CTIF: variants seen among roughly 807,000 people sequenced by gnomAD.
CTIF encodes cap binding complex dependent translation initiation factor.
Under a neutral mutation model 66.0 loss-of-function variants are expected in CTIF, and 21 were observed. The ratio of observed to expected loss-of-function variants is 0.32; its 90% CI spans 0.23 to 0.46. CTIF has a LOEUF of 0.46. Ranked by LOEUF, CTIF falls within the 20% of genes least tolerant of loss-of-function variation. The pLI, the probability that CTIF is intolerant of heterozygous loss-of-function variation, is 1.00. For missense variants in CTIF, 739 were observed against 812.7 expected (o/e 0.91, Z 1.10); for synonymous variants, 345 against 326.4 (o/e 1.06, Z -0.62).
At chr18:48,733,551 T>C (rs954784357) in intron 7 of CTIF, among the ~76,000 whole-genome samples, 3 of 152,156 alleles carry the variant, frequency 2.0e-5, no homozygotes, top group Admixed American at 1.3e-4. Context: ...GGGAAACAGA[T>C]TGTCGGGCAA....
intron 9 of CTIF, among the ~76,000 whole-genome samples, chr18:48,767,984 AC>A (rs1245389380): frequency 6.6e-6 from 1 of 152,104 alleles, no homozygotes; most frequent in African/African-American, 2.4e-5. Flanking sequence ...GATGTATCTT[AC>A]CCATACCTCA....
At chr18:48,843,493 C>G (rs111634980) in intron 10 of CTIF, among the ~76,000 whole-genome samples, 4 of 152,050 alleles carry the variant, frequency 2.6e-5, no homozygotes, top group African/African-American at 9.7e-5. Flanking sequence ...GGTAGCCTCT[C>G]GAGCCCTCCT....
intron 1 of CTIF, among the ~76,000 whole-genome samples, chr18:48,618,086 A>G (rs985838871): frequency 8.5e-5 from 13 of 152,188 alleles, no homozygotes; most frequent in African/African-American, 2.9e-4. Flanking sequence ...GGGAGAGTCA[A>G]CATTCATGCT....
At chr18:48,736,945 G>A (rs12604748) in intron 7 of CTIF, among the ~76,000 whole-genome samples, 38,755 of 151,936 alleles carry the variant, frequency 0.26, 5,697 homozygotes, top group East Asian at 0.62. Context: ...CCCTAGAACT[G>A]CATCTGCTCA....
rs931799866 is a variant in CTIF at position 48,861,302 on chromosome 18, C to G, written c.*1743C>G. ...AGTTTACCTGAAACAGGTCAGTGGT[C>G]TCTCCCAAGAAGCGCACGCCACCTC... On this transcript the variant is annotated 3_prime_UTR_variant, in exon 12 of 12. Coordinates refer to ENST00000256413, the MANE Select transcript of CTIF (RefSeq NM_014772.3). 6.6e-6 allele frequency: 1 copy of G among 152,368 alleles called. No individual in the cohort carries two copies. The highest frequency in any genetic ancestry group is 1.5e-5 in the Non-Finnish European group (1 of 68,158). The allele number at this position is 152,368 out of a possible 1,614,324, so 9.4% of individuals were successfully genotyped here. A position where few individuals can be genotyped will look rare whatever the true frequency, so the allele number is the denominator to read the frequency against.
At position 48,859,415 on chromosome 18, in the gene CTIF, G is replaced by A. The variant is rs1303244549; in HGVS notation, c.1653G>A (p.Arg551=). ...TGACAGAGCTCCTGGCCAGCGCACG[G>A]GACAAGATGCTGTGCCCCTCGGAGT... ...EMMTELLASA[R]DKMLCPSESM... The change falls in exon 12 of 12, where the codon CGG becomes CGA. Residue 551 remains arginine (R), a synonymous_variant. Transcript: ENST00000256413. 3.7e-6 allele frequency: 6 copies of A among 1,614,018 alleles called. No homozygotes were observed. Among genetic ancestry groups the A allele is most frequent in the East Asian group, 2.2e-5 (1 of 44,886 alleles).
Position 48,764,394 on chromosome 18 carries a change from C to T in CTIF, c.1371+2705C>T, listed in dbSNP as rs140214534. Among the ~76,000 whole-genome samples, 7 of 152,270 alleles carry T rather than the reference C, an allele frequency of 4.6e-5. No individual in the cohort carries two copies. In the East Asian group the frequency reaches 7.7e-4, roughly 17 times the overall value. On this transcript the variant is annotated intron_variant, in intron 9 of 11. Coordinates refer to ENST00000256413, the MANE Select transcript of CTIF (RefSeq NM_014772.3). ...GAATCCACAGTGACAAACTGGGGTG[C>T]GTGCCGTTACTGCCCCCCATCTTGG...
chr18:48,702,007 T>C (rs1256561442), intron 6 of CTIF, among the ~76,000 whole-genome samples: 1 of 152,168 alleles, frequency 6.6e-6, no homozygotes, highest in Non-Finnish European at 1.5e-5. Flanking sequence ...TCAAAGAAAG[T>C]CTTAATAGTG....
chr18:48,666,841 G>T (rs1353257704), intron 5 of CTIF, among the ~76,000 whole-genome samples: 1 of 152,190 alleles, frequency 6.6e-6, no homozygotes, highest in Non-Finnish European at 1.5e-5. Flanking sequence ...GCTGCACAGG[G>T]CTGGGCCTCC....
At chr18:48,698,617 A>G (rs2092040433) in intron 6 of CTIF, among the ~76,000 whole-genome samples, 1 of 152,200 alleles carries the variant, frequency 6.6e-6, no homozygotes, top group African/African-American at 2.4e-5. Context: ...TTCACATATT[A>G]AAGACTAAAC....
chr18:48,574,948 G>A (rs898450154), intron 1 of CTIF, among the ~76,000 whole-genome samples: 2 of 152,192 alleles, frequency 1.3e-5, no homozygotes, highest in Admixed American at 6.5e-5. Context: ...CTACCTCAAG[G>A]GGCTGCTTGG....
At chr18:48,685,494 A>AT (rs890911733) in intron 6 of CTIF, among the ~76,000 whole-genome samples, 1 of 152,170 alleles carries the variant, frequency 6.6e-6, no homozygotes, top group African/African-American at 2.4e-5. Flanking sequence ...AAGTGCTGGC[A>AT]TTACAGGCAT....
At chr18:48,584,537 G>T (rs1413934700) in intron 1 of CTIF, among the ~76,000 whole-genome samples, 1 of 152,216 alleles carries the variant, frequency 6.6e-6, no homozygotes, top group Non-Finnish European at 1.5e-5. Flanking sequence ...CCAAGAACCT[G>T]CATTTTCATA....
intron 2 of CTIF, among the ~76,000 whole-genome samples, chr18:48,635,132 C>T (rs1411566403): frequency 6.6e-6 from 1 of 152,066 alleles, no homozygotes; most frequent in Non-Finnish European, 1.5e-5. Context: ...ATGTCAACAA[C>T]ATTGTAAGAA....
intron 6 of CTIF, among the ~76,000 whole-genome samples, chr18:48,674,266 TG>T (rs2091589079): frequency 6.6e-6 from 1 of 152,250 alleles, no homozygotes; most frequent in African/African-American, 2.4e-5. Flanking sequence ...GAGCAAGTGC[TG>T]GTGCCTTGCC....
intron 9 of CTIF, among the ~76,000 whole-genome samples, chr18:48,815,934 T>G (rs2068353966): frequency 2.0e-5 from 3 of 152,182 alleles, no homozygotes; most frequent in African/African-American, 7.2e-5. Flanking sequence ...CCATCAACCC[T>G]TACAACCCAC....
At chr18:48,796,131 G>A (rs1028708878) in intron 9 of CTIF, among the ~76,000 whole-genome samples, 15 of 152,144 alleles carry the variant, frequency 9.9e-5, no homozygotes, top group East Asian at 5.8e-4. Flanking sequence ...AAGTAGCTGG[G>A]ACTACAGGCA....
chr18:48,823,976 C>CCACACACACACACACACACA (rs35554666), intron 10 of CTIF, among the ~76,000 whole-genome samples: 1 of 124,104 alleles, frequency 8.1e-6, no homozygotes, highest in East Asian at 2.5e-4. Context: ...CCTAAAGACT[C>CCACACACACACACACACACA]CACACACACA....
At chr18:48,696,476 C>A (rs1435936807) in intron 6 of CTIF, among the ~76,000 whole-genome samples, 2 of 152,116 alleles carry the variant, frequency 1.3e-5, no homozygotes, top group Non-Finnish European at 2.9e-5. Context: ...TTTGTGTGAC[C>A]CCCGCCAGAC....
Sources: allele counts gnomAD v4.1 joint callset (sites outside exome capture counted in the v4.1 genomes callset), GRCh38; gene constraint gnomAD v4.1.1; transcripts MANE v1.5; gene names NCBI Gene and HGNC (gene_info 2026-07-23, HGNC 2026-07-21).